The following SMYD3 variants were observed in gnomAD, a reference collection of about 807,000 sequenced individuals.
SMYD3 encodes the protein SET and MYND domain containing 3, also known as histone-lysine N-methyltransferase SMYD3.
SMYD3 carries 36 observed loss-of-function variants against 57.7 expected under a neutral mutation model. That is an observed-to-expected ratio of 0.62 (90% CI 0.48 to 0.82). SMYD3 has a LOEUF of 0.82. Among genes scored for constraint, SMYD3 ranks in the 40% least tolerant of loss-of-function variants. The pLI, the probability that SMYD3 is intolerant of heterozygous loss-of-function variation, is 0.00. For synonymous variants in SMYD3, 211 were observed against 195.0 expected (o/e 1.08, Z -0.68); for missense variants, 515 against 538.8 (o/e 0.96, Z 0.44).
chr1:246,434,413 G>C (rs1471858284), intron 1 of SMYD3, among the ~76,000 whole-genome samples: 1 of 152,212 alleles, frequency 6.6e-6, no homozygotes. Context: ...TCCGACAAAG[G>C]TCTAATATCC....
chr1:246,432,462 G>C (rs1356874130), intron 1 of SMYD3, among the ~76,000 whole-genome samples: 1 of 152,204 alleles, frequency 6.6e-6, no homozygotes, highest in Non-Finnish European at 1.5e-5. Context: ...CAGAAAGAGA[G>C]ATCATCCAGG....
chr1:246,401,687 C>T (rs562931816), intron 1 of SMYD3, among the ~76,000 whole-genome samples: 6 of 150,156 alleles, frequency 4.0e-5, no homozygotes, highest in Admixed American at 1.3e-4. Flanking sequence ...AGTTCTAAAA[C>T]ATCCAGTAGC....
intron 1 of SMYD3, among the ~76,000 whole-genome samples, chr1:246,481,621 T>TATATATATATATACAC (rs1307881494): frequency 0.013 from 1,259 of 97,962 alleles, 82 homozygotes; most frequent in Middle Eastern, 0.043. Flanking sequence ...CATACATATA[T>TATATATATATATACAC]ACATACATAC....
intron 5 of SMYD3, among the ~76,000 whole-genome samples, chr1:246,062,468 C>A (rs1235259772): frequency 6.6e-6 from 1 of 152,172 alleles, no homozygotes; most frequent in East Asian, 1.9e-4. Flanking sequence ...CAGAAGAGGA[C>A]AAAAATTGTC....
chr1:245,915,503 G>A (rs2055342456), intron 8 of SMYD3, 27 bp downstream of exon 8: 1 of 1,485,648 alleles, frequency 6.7e-7, no homozygotes, highest in Non-Finnish European at 9.4e-7. Context: ...CCGTGGAGGT[G>A]TTTCAATCTG....
At chr1:245,844,199 G>T (rs1185418631) in intron 10 of SMYD3, among the ~76,000 whole-genome samples, 2 of 152,194 alleles carry the variant, frequency 1.3e-5, no homozygotes, top group Non-Finnish European at 2.9e-5. Flanking sequence ...TTAACCTTGT[G>T]ATGAAATACC....
intron 5 of SMYD3, among the ~76,000 whole-genome samples, chr1:246,240,441 T>C (rs914463944): frequency 2.0e-5 from 3 of 152,204 alleles, no homozygotes; most frequent in African/African-American, 7.2e-5. Context: ...TTCTGTTCCA[T>C]TGATCTATAT....
At chr1:246,176,013 G>A (rs2062427996) in intron 5 of SMYD3, among the ~76,000 whole-genome samples, 1 of 152,114 alleles carries the variant, frequency 6.6e-6, no homozygotes, top group African/African-American at 2.4e-5. Flanking sequence ...TTTTAGAAGA[G>A]ATATTTATTC....
At chr1:246,001,332 C>T (rs150158547) in intron 5 of SMYD3, among the ~76,000 whole-genome samples, 2 of 152,312 alleles carry the variant, frequency 1.3e-5, no homozygotes, top group African/African-American at 4.8e-5. Flanking sequence ...CCAAACACGT[C>T]TGCCTACCTA....
chr1:246,309,112 T>G (rs2065033635), intron 5 of SMYD3, among the ~76,000 whole-genome samples: 2 of 152,124 alleles, frequency 1.3e-5, no homozygotes, highest in African/African-American at 4.8e-5. Flanking sequence ...AAAACCAATA[T>G]GTATTTTTTA....
Position 246,052,483 on chromosome 1 carries a change from T to C in SMYD3, c.532-122546A>G, listed in dbSNP as rs577565679. On this transcript the variant is annotated intron_variant, in intron 5 of 11. Coordinates refer to ENST00000490107, the MANE Select transcript of SMYD3 (RefSeq NM_001167740.2). ...TTCAAAGATAATCCTAACATGATTT[T>C]CTAATAGTACGCAAGTCCACTGTGA... The C allele has an allele frequency of 5.3e-5, 8 of 152,374 alleles. No individual in the cohort carries two copies. The East Asian group carries it at 1.5e-3, about 29-fold the overall frequency. 9.4% of individuals were successfully genotyped at this position (152,374 alleles called of 1,614,324 possible).
At chr1:245,838,941 T>C (rs1465054128) in intron 10 of SMYD3, among the ~76,000 whole-genome samples, 3 of 152,196 alleles carry the variant, frequency 2.0e-5, no homozygotes, top group Non-Finnish European at 4.4e-5. Context: ...ATTCAGAATG[T>C]CCTCTGAATC....
chr1:246,486,487 G>A (rs1462423009), intron 1 of SMYD3, among the ~76,000 whole-genome samples: 1 of 152,014 alleles, frequency 6.6e-6, no homozygotes, highest in African/African-American at 2.4e-5. Flanking sequence ...TTTATTTCAG[G>A]GATAAGTGTG....
At chr1:246,054,500 G>T (rs554567241) in intron 5 of SMYD3, among the ~76,000 whole-genome samples, 1 of 152,246 alleles carries the variant, frequency 6.6e-6, no homozygotes, top group African/African-American at 2.4e-5. Flanking sequence ...GAGGTTAATG[G>T]ATAAATAAAA....
At chr1:246,314,007 T>G (rs553328951) in intron 5 of SMYD3, among the ~76,000 whole-genome samples, 1 of 152,194 alleles carries the variant, frequency 6.6e-6, no homozygotes, top group African/African-American at 2.4e-5. Context: ...GCAAATTCCA[T>G]GTCAATTATC....
chr1:246,253,656 T>C (rs1186530333), intron 5 of SMYD3, among the ~76,000 whole-genome samples: 1 of 152,226 alleles, frequency 6.6e-6, no homozygotes, highest in Non-Finnish European at 1.5e-5. Context: ...TTTCTAGTTC[T>C]TGTAAAAATG....
chr1:246,087,535 C>CA (rs921295407), intron 5 of SMYD3, among the ~76,000 whole-genome samples: 4 of 152,024 alleles, frequency 2.6e-5, no homozygotes, highest in Non-Finnish European at 2.9e-5. Flanking sequence ...GAGGCTCACA[C>CA]AAAAAAAGCT....
At chr1:245,933,439 C>A (rs2056834270) in intron 5 of SMYD3, among the ~76,000 whole-genome samples, 1 of 152,112 alleles carries the variant, frequency 6.6e-6, no homozygotes, top group Non-Finnish European at 1.5e-5. Context: ...GTTATATTTA[C>A]TTTCTGTAAT....
chr1:246,372,951 T>G (rs1165068832), intron 1 of SMYD3, among the ~76,000 whole-genome samples: 1 of 152,226 alleles, frequency 6.6e-6, no homozygotes, highest in East Asian at 1.9e-4. Flanking sequence ...ACTTTAAGCC[T>G]GGCTGCTTCA....
Sources: allele counts gnomAD v4.1 joint callset (sites outside exome capture counted in the v4.1 genomes callset), GRCh38; gene constraint gnomAD v4.1.1; transcripts MANE v1.5; gene names NCBI Gene and HGNC (gene_info 2026-07-23, HGNC 2026-07-21).